Variants in GMDS observed in about 807,000 individuals in gnomAD.
GMDS encodes GDP-mannose 4,6-dehydratase.
GMDS carries 20 observed loss-of-function variants against 49.9 expected under a neutral mutation model. The ratio of observed to expected loss-of-function variants is 0.40; its 90% CI spans 0.28 to 0.58. The LOEUF is 0.58. Ranked by LOEUF, GMDS falls within the 20% of genes least tolerant of loss-of-function variation. The pLI is 0.42. For synonymous variants in GMDS, 177 were observed against 178.6 expected (o/e 0.99, Z 0.07); for missense variants, 362 against 481.4 (o/e 0.75, Z 2.32).
At chr6:1,680,543 C>A (rs1023582558) in intron 9 of GMDS, among the ~76,000 whole-genome samples, 1 of 152,182 alleles carries the variant, frequency 6.6e-6, no homozygotes, top group Non-Finnish European at 1.5e-5. Flanking sequence ...TGACTTCTCA[C>A]ACGGAAAGCA....
chr6:1,928,951 A>G (rs1401746931), intron 7 of GMDS, among the ~76,000 whole-genome samples: 4 of 150,788 alleles, frequency 2.7e-5, no homozygotes, highest in African/African-American at 9.8e-5. Context: ...CCTGAGCAAC[A>G]GAGAGAGACT....
intron 9 of GMDS, among the ~76,000 whole-genome samples, chr6:1,689,218 T>C (rs1010536564): frequency 1.3e-5 from 2 of 152,168 alleles, no homozygotes; most frequent in African/African-American, 4.8e-5. Flanking sequence ...CTTGGTAGAA[T>C]ACAGTTAGGG....
chr6:2,076,426 G>A (rs1188165856), intron 4 of GMDS, among the ~76,000 whole-genome samples: 2 of 152,096 alleles, frequency 1.3e-5, no homozygotes, highest in Non-Finnish European at 2.9e-5. Context: ...AGTTCATATG[G>A]AACCAAAAGA....
At chr6:2,011,176 TG>T (rs1438458438) in intron 4 of GMDS, among the ~76,000 whole-genome samples, 7 of 152,030 alleles carry the variant, frequency 4.6e-5, no homozygotes, top group Admixed American at 4.6e-4. Flanking sequence ...GACATACAAA[TG>T]GCCAAAAAGC....
At chr6:1,826,026 A>G (rs1434787279) in intron 7 of GMDS, among the ~76,000 whole-genome samples, 1 of 152,124 alleles carries the variant, frequency 6.6e-6, no homozygotes, top group African/African-American at 2.4e-5. Context: ...AAAAAAATAA[A>G]AAGATAGAAA....
At chr6:2,071,349 C>T (rs1235343684) in intron 4 of GMDS, among the ~76,000 whole-genome samples, 1 of 152,142 alleles carries the variant, frequency 6.6e-6, no homozygotes, top group Admixed American at 6.5e-5. Flanking sequence ...TAAGAAATCA[C>T]AAATGTTCCT....
At chr6:2,089,950 T>C (rs1407761429) in intron 4 of GMDS, among the ~76,000 whole-genome samples, 1 of 152,160 alleles carries the variant, frequency 6.6e-6, no homozygotes. Flanking sequence ...AATCTAAGAA[T>C]GTGACCCTTT....
intron 4 of GMDS, among the ~76,000 whole-genome samples, chr6:2,066,545 T>C (rs1341826505): frequency 2.0e-5 from 3 of 152,030 alleles, no homozygotes; most frequent in East Asian, 3.9e-4. Context: ...GAGACACACA[T>C]AGGCTCAAAA....
intron 7 of GMDS, among the ~76,000 whole-genome samples, chr6:1,920,321 C>A (rs915402401): frequency 3.3e-5 from 5 of 152,096 alleles, no homozygotes; most frequent in Admixed American, 6.5e-5. Flanking sequence ...CAGAGCTCTG[C>A]AAAGACAAAA....
chr6:1,971,904 T>C (rs1000971370), intron 4 of GMDS, among the ~76,000 whole-genome samples: 29 of 152,236 alleles, frequency 1.9e-4, no homozygotes, highest in African/African-American at 6.8e-4. Flanking sequence ...CTTGCTTTTT[T>C]TCTAAGGACT....
intron 7 of GMDS, among the ~76,000 whole-genome samples, chr6:1,774,160 T>G (rs910045489): frequency 6.6e-6 from 1 of 152,206 alleles, no homozygotes; most frequent in African/African-American, 2.4e-5. Flanking sequence ...CCATAAGAAT[T>G]CTACTTCCCT....
intron 7 of GMDS, among the ~76,000 whole-genome samples, chr6:1,855,343 T>G (rs985789580): frequency 6.6e-6 from 1 of 152,228 alleles, no homozygotes; most frequent in Non-Finnish European, 1.5e-5. Flanking sequence ...TGACTTAAAT[T>G]ACAACTCATT....
intron 6 of GMDS, among the ~76,000 whole-genome samples, chr6:1,948,344 C>T (rs560841853): frequency 6.6e-6 from 1 of 152,150 alleles, no homozygotes; most frequent in Non-Finnish European, 1.5e-5. Context: ...TTACAATTAA[C>T]AAAATTTAAA....
At chr6:2,170,216 A>G (rs983635419) in intron 1 of GMDS, among the ~76,000 whole-genome samples, 25 of 150,594 alleles carry the variant, frequency 1.7e-4, no homozygotes, top group African/African-American at 6.2e-4. Flanking sequence ...AAAAAAAAAA[A>G]GAGAGAAAGA....
At chr6:2,078,878 T>C (rs1401954290) in intron 4 of GMDS, among the ~76,000 whole-genome samples, 1 of 151,980 alleles carries the variant, frequency 6.6e-6, no homozygotes, top group East Asian at 1.9e-4. Context: ...TCCCCACTAT[T>C]ATTGTATTGT....
At chr6:1,672,311 G>A (rs1764457312) in intron 9 of GMDS, among the ~76,000 whole-genome samples, 1 of 152,214 alleles carries the variant, frequency 6.6e-6, no homozygotes, top group African/African-American at 2.4e-5. Flanking sequence ...GAAGAACAGG[G>A]AAGGTCATAG....
At chr6:2,182,900 G>C (rs1303935554) in intron 1 of GMDS, among the ~76,000 whole-genome samples, 1 of 152,066 alleles carries the variant, frequency 6.6e-6, no homozygotes, top group South Asian at 2.1e-4. Flanking sequence ...TAGAGACAGG[G>C]TTTCGCCATG....
intron 7 of GMDS, among the ~76,000 whole-genome samples, chr6:1,880,876 C>G (rs1056797608): frequency 1.3e-5 from 2 of 151,976 alleles, no homozygotes; most frequent in African/African-American, 4.8e-5. Flanking sequence ...TTTAGGTAAT[C>G]ACTGAAATGA....
At chr6:2,081,927 C>T (rs1250090950) in intron 4 of GMDS, among the ~76,000 whole-genome samples, 2 of 152,184 alleles carry the variant, frequency 1.3e-5, no homozygotes, top group Non-Finnish European at 2.9e-5. Context: ...GTCTGACTTC[C>T]AGGAGCGTGT....
Sources: gnomAD v4.1 joint callset for allele counts (sites outside exome capture counted in the v4.1 genomes callset) on GRCh38, gnomAD v4.1.1 for gene constraint, MANE v1.5 for transcripts, NCBI Gene and HGNC (gene_info 2026-07-23, HGNC 2026-07-21) for gene names.